Variants in FOXN4 observed in about 807,000 individuals in gnomAD.
FOXN4 encodes the protein forkhead box N4, also known as forkhead box protein N4.
A neutral mutation model predicts 45.0 loss-of-function variants in FOXN4; 12 were observed. That is an observed-to-expected ratio of 0.27 (90% CI 0.17 to 0.43). FOXN4 has a LOEUF of 0.43. Among genes scored for constraint, FOXN4 ranks in the 20% least tolerant of loss-of-function variants. FOXN4 has a pLI of 1.00. For synonymous variants in FOXN4, 297 were observed against 295.0 expected (o/e 1.01, Z -0.07); for missense variants, 560 against 694.9 (o/e 0.81, Z 2.18).
intron 2 of FOXN4, among the ~76,000 whole-genome samples, chr12:109,305,593 G>T (rs868051558): frequency 6.6e-6 from 1 of 152,042 alleles, no homozygotes; most frequent in Non-Finnish European, 1.5e-5. Flanking sequence ...AGCCAGGCAC[G>T]GTTGCTCTCG....
At chr12:109,296,147 C>G (rs2047814520) in intron 2 of FOXN4, among the ~76,000 whole-genome samples, 1 of 152,242 alleles carries the variant, frequency 6.6e-6, no homozygotes, top group Non-Finnish European at 1.5e-5. Context: ...AGCCCTGCTG[C>G]TGGGTCGCCC....
In FOXN4 at chr12:109,290,567, G is replaced by C. The variant is rs1037818379; in HGVS notation, c.87-281C>G. 2.6e-5 allele frequency among the ~76,000 whole-genome samples: 4 copies of C among 152,206 alleles called. No individual in the cohort carries two copies. The highest frequency in any genetic ancestry group is 9.7e-5 in the African/African-American group (4 of 41,442). ...GCACGCGAATATTTGTTGAGGACTT[G>C]ACCAGTGCCAGACACCGATCAAGCC... On this transcript the variant is annotated intron_variant, in intron 2 of 9. Transcript: ENST00000299162. The surrounding 1 kb of genome is among the most constrained non-coding windows in gnomAD (Gnocchi z 5.1).
chr12:109,290,207 G>A lies in FOXN4; in HGVS notation c.166C>T (p.Arg56Trp), dbSNP rs762127689. 36 of 1,551,276 alleles carry A rather than the reference G, an allele frequency of 2.3e-5. No homozygotes were observed. The highest frequency in any genetic ancestry group is 1.6e-4 in the African/African-American group (12 of 73,030). Residue 56 changes from arginine (R) to tryptophan (W), a missense_variant, in exon 3 of 10, where the codon CGG becomes TGG. This residue lies in a region of FOXN4 where 142 missense variants were observed against 185.7 expected (regional missense o/e 0.76). Transcript: ENST00000299162. This position sits in a 1 kb window ranked among gnomAD's most constrained non-coding sequence, Gnocchi z 5.1. The part of the protein sequence containing the change: ...LSWLTAVDVP[R>W]LQQMASGRVD... Reference sequence around the variant, plus strand: ...CGGCCACTTGCCATCTGCTGCAGCCGAGGCACATCCACCGCCGTGAGCCAC... The same window carrying A: ...CGGCCACTTGCCATCTGCTGCAGCCAAGGCACATCCACCGCCGTGAGCCAC...
chr12:109,292,732 G>A (rs1024806023), intron 2 of FOXN4, among the ~76,000 whole-genome samples: 18 of 152,110 alleles, frequency 1.2e-4, no homozygotes, highest in African/African-American at 3.9e-4. Context: ...GACATGCCCC[G>A]GCCACTGCTA....
At position 109,287,959 on chromosome 12, in the gene FOXN4, T is replaced by C. The variant is rs1335969197; in HGVS notation, c.358-5A>G. On this transcript the variant is annotated splice_region_variant and splice_polypyrimidine_tract_variant and intron_variant, in intron 4 of 9. Coordinates refer to ENST00000299162, the MANE Select transcript of FOXN4 (RefSeq NM_213596.3). The surrounding 1 kb of genome is among the most constrained non-coding windows in gnomAD (Gnocchi z 4.1). ...CCCCACGGGGAACTGGCTCATCTGCTGGGCAGGAAGAGGAGGAGACAGAGG... is the reference window on the plus strand; with the variant it reads ...CCCCACGGGGAACTGGCTCATCTGCCGGGCAGGAAGAGGAGGAGACAGAGG... 38 of 1,549,036 alleles carry C rather than the reference T, an allele frequency of 2.5e-5. No individual in the cohort carries two copies. The highest frequency in any genetic ancestry group is 3.3e-5 in the Non-Finnish European group (38 of 1,146,660).
intron 2 of FOXN4, among the ~76,000 whole-genome samples, chr12:109,292,636 T>C (rs1049949556): frequency 7.2e-5 from 11 of 152,194 alleles, no homozygotes; most frequent in Admixed American, 4.6e-4. Context: ...TTAATATTAA[T>C]ACCAACATTA....
At position 109,290,122 on chromosome 12, in the gene FOXN4, A is replaced by G. The variant is rs184389062; in HGVS notation, c.232+19T>C. 2,759 of 1,532,088 alleles carry G rather than the reference A, an allele frequency of 1.8e-3. 4 individuals carry two copies. The highest frequency in any genetic ancestry group is 2.3e-3 in the Non-Finnish European group (2,616 of 1,136,052). The allele number at this position is 1,532,088 out of a possible 1,614,324, so 94.9% of individuals were successfully genotyped here. A position where few individuals can be genotyped will look rare whatever the true frequency, so the allele number is the denominator to read the frequency against. On this transcript the variant is annotated intron_variant, in intron 3 of 9. Coordinates refer to ENST00000299162, the MANE Select transcript of FOXN4 (RefSeq NM_213596.3). This position sits in a 1 kb window ranked among gnomAD's most constrained non-coding sequence, Gnocchi z 5.1. Reference sequence around the variant, plus strand: ...TCCTATATCACCCTCCTCCCTGCCTACCTTGTCCCTGAGCCTACCTGGGTG... The same window carrying G: ...TCCTATATCACCCTCCTCCCTGCCTGCCTTGTCCCTGAGCCTACCTGGGTG...
chr12:109,281,702 T>C lies in FOXN4; in HGVS notation c.999A>G (p.Thr333=), dbSNP rs1289968801. 1 of 1,611,200 alleles carries C rather than the reference T, an allele frequency of 6.2e-7. No homozygotes were observed. The highest frequency in any genetic ancestry group is 8.5e-7 in the Non-Finnish European group (1 of 1,179,264). ...CCAGGCAGCCATGCGCCACGGCCACTGTGGTGGCGTGAGTCAGCACGGGGG... is the reference window on the plus strand; with the variant it reads ...CCAGGCAGCCATGCGCCACGGCCACCGTGGTGGCGTGAGTCAGCACGGGGG... ...PEAPVLTHAT[T]VAVAHGCLAV... The change falls in exon 9 of 10, where the codon ACA becomes ACG. Residue 333 remains threonine (T), a synonymous_variant. Coordinates refer to ENST00000299162, the MANE Select transcript of FOXN4 (RefSeq NM_213596.3).
In FOXN4 at chr12:109,281,798, C is replaced by G; in HGVS notation, c.903G>C (p.Glu301Asp). ...AAIHRSMANP[E>D]ELDKLISDRP... is the part of the protein sequence containing the mutation. ...GGTCGGAGATCAGCTTGTCCAACTC[C>G]TCTGCAGGCAAGTGGGAGAGGTCAC... The change falls in exon 9 of 10, where the codon GAG becomes GAC. Residue 301 changes from glutamate to aspartate, a missense_variant and splice_region_variant. Physicochemically the swap from Glu to Asp is conservative, Grantham distance 45. Around this residue, in one of 5 missense-constraint regions of FOXN4, gnomAD observed 315 missense variants for 350.5 expected, o/e 0.90. Transcript: ENST00000299162. The G allele has an allele frequency of 6.4e-7, 1 of 1,567,324 alleles. No homozygotes were observed.
rs1380637634 is a variant in FOXN4, at chr12:109,286,732, G to A, written c.609C>T (p.Ala203=). 3.1e-6 allele frequency: 5 copies of A among 1,606,500 alleles called. No individual in the cohort carries two copies. The highest frequency in any genetic ancestry group is 2.2e-5 in the South Asian group (2 of 90,794). The change falls in exon 7 of 10, where the codon GCC becomes GCT. Residue 203 remains alanine, a synonymous_variant. Coordinates refer to ENST00000299162, the MANE Select transcript of FOXN4 (RefSeq NM_213596.3). ...CTGTCTTGCTGTTCTTCAGGGCCAT[G>A]GCGATCAGACAGCTGGGGGCAGGAG... ...KPIYSYSCLI[A]MALKNSKTGS...
intron 2 of FOXN4, among the ~76,000 whole-genome samples, chr12:109,294,758 A>C (rs1344761669): frequency 1.1e-5 from 1 of 92,884 alleles, no homozygotes; most frequent in Admixed American, 1.1e-4. Flanking sequence ...AGAATGTCTC[A>C]TCCCCCAACC....
In FOXN4 at chr12:109,278,388, AGCATTT is replaced by A. The variant is rs1010299328; in HGVS notation, c.*1277_*1282del. 1.3e-5 allele frequency: 2 copies of A among 152,214 alleles called. No homozygotes were observed. The highest frequency in any genetic ancestry group is 1.3e-4 in the Admixed American group (2 of 15,284). The allele number at this position is 152,214 out of a possible 1,614,324, so 9.4% of individuals were successfully genotyped here. ...AATTTTGTCTCAGCTTTGCTGGGAG[AGCATTT>A]TTCACATTTGACTAGCTCACTCCCC... On this transcript the variant is annotated 3_prime_UTR_variant, in exon 10 of 10. Transcript: ENST00000299162.
At chr12:109,282,141 G>A (rs1311709244) in intron 8 of FOXN4, among the ~76,000 whole-genome samples, 2 of 152,182 alleles carry the variant, frequency 1.3e-5, no homozygotes, top group Non-Finnish European at 2.9e-5. Context: ...ATCACAGACT[G>A]TGCAGAATCT....
At chr12:109,297,076 G>A (rs2047824535) in intron 2 of FOXN4, among the ~76,000 whole-genome samples, 1 of 152,212 alleles carries the variant, frequency 6.6e-6, no homozygotes, top group South Asian at 2.1e-4. Context: ...CCAGAGACTG[G>A]GTTGGCCACA....
chr12:109,298,414 T>C (rs1156564928), intron 2 of FOXN4, among the ~76,000 whole-genome samples: 1 of 150,476 alleles, frequency 6.6e-6, no homozygotes, highest in Admixed American at 6.7e-5. Context: ...TCCAATGGAG[T>C]GCAATGGCAT....
rs1487470727 is a variant in FOXN4 at position 109,290,309 on chromosome 12, C to G, written c.87-23G>C. On this transcript the variant is annotated intron_variant, in intron 2 of 9. Coordinates refer to ENST00000299162, the MANE Select transcript of FOXN4 (RefSeq NM_213596.3). This position sits in a 1 kb window ranked among gnomAD's most constrained non-coding sequence, Gnocchi z 5.1. ...AGCCTGCAAAGAGGAACAGAGAACT[C>G]GGGCGGGAGGGGGAGCTTAGGCCAG... 1 of 1,528,568 alleles carries G rather than the reference C, an allele frequency of 6.5e-7. No individual in the cohort carries two copies. Among genetic ancestry groups the G allele is most frequent in the Admixed American group, 2.0e-5 (1 of 49,236 alleles). 94.7% of individuals were successfully genotyped at this position (1,528,568 alleles called of 1,614,324 possible).
chr12:109,279,976 G>T (rs759506824), intron 9 of FOXN4, 46 bp from the exon 10 acceptor site: 3 of 1,607,790 alleles, frequency 1.9e-6, no homozygotes, highest in South Asian at 2.2e-5. Context: ...CCCATCAAAT[G>T]ACCTGAGTTC....
Position 109,286,717 on chromosome 12 carries a change from G to A in FOXN4, c.624C>T (p.Asn208=). Residue 208 remains asparagine (N), a synonymous_variant, in exon 7 of 10, where the codon AAC becomes AAT. Coordinates refer to ENST00000299162, the MANE Select transcript of FOXN4 (RefSeq NM_213596.3). The stretch of plus-strand genomic sequence containing the variant: ...TCACAGGCAGGCTGCCTGTCTTGCT[G>A]TTCTTCAGGGCCATGGCGATCAGAC... ...YSCLIAMALK[N]SKTGSLPVSE... 1.2e-6 allele frequency: 2 copies of A among 1,608,046 alleles called. No homozygotes were observed. Among genetic ancestry groups the A allele is most frequent in the Non-Finnish European group, 1.7e-6 (2 of 1,179,668 alleles).
chr12:109,290,415 G>T lies in FOXN4; in HGVS notation c.87-129C>A. On this transcript the variant is annotated intron_variant, in intron 2 of 9. Transcript: ENST00000299162. The surrounding 1 kb of genome is among the most constrained non-coding windows in gnomAD (Gnocchi z 5.1). The stretch of plus-strand genomic sequence containing the variant: ...CCAAGCCACGCCAGCCCTCCAACCT[G>T]CCCGTCCCCAGGACTGGACACGGGA... 1.7e-6 allele frequency: 2 copies of T among 1,165,892 alleles called. No individual in the cohort carries two copies. The highest frequency in any genetic ancestry group is 2.4e-6 in the Non-Finnish European group (2 of 850,976). The allele number at this position is 1,165,892 out of a possible 1,614,324, so 72.2% of individuals were successfully genotyped here.
Sources: gnomAD v4.1 joint callset for allele counts (sites outside exome capture counted in the v4.1 genomes callset) on GRCh38, gnomAD v4.1.1 for gene constraint, gnomAD v4.1.1 regional missense constraint, Gnocchi (gnomAD v3.1) non-coding constraint, MANE v1.5 for transcripts, NCBI Gene and HGNC (gene_info 2026-07-23, HGNC 2026-07-21) for gene names.